Variants in RPP14 observed in about 807,000 individuals in gnomAD.
The protein encoded by RPP14 is ribonuclease P/MRP subunit p14.
RPP14 carries 19 observed loss-of-function variants against 17.8 expected under a neutral mutation model. The observed-to-expected ratio is 1.07, with a 90% confidence interval of 0.74 to 1.57. The LOEUF (loss-of-function observed/expected upper bound fraction) is 1.57, where lower values mean the gene tolerates loss of function less well. Among genes scored for constraint, RPP14 ranks in the 40% most tolerant of loss-of-function variants. The pLI, the probability that RPP14 is intolerant of heterozygous loss-of-function variation, is 0.00. For synonymous variants in RPP14, 60 were observed against 56.4 expected (o/e 1.06, Z -0.29); for missense variants, 125 against 140.8 (o/e 0.89, Z 0.57).
In RPP14 at chr3:58,313,207, C is replaced by T. The variant is rs370666553; in HGVS notation, c.162+2616C>T. 2.3e-4 allele frequency among the ~76,000 whole-genome samples: 31 copies of T among 136,268 alleles called. No homozygotes were observed. In the South Asian group the frequency reaches 5.1e-3, roughly 22 times the overall value. The allele number at this position is 136,268 out of a possible 152,430, so 89.4% of individuals were successfully genotyped here. On this transcript the variant is annotated intron_variant, in intron 3 of 5. Transcript: ENST00000295959. ...CCGGGAGGTGGAGCTTGCAGTGAGC[C>T]GAGATCACGCCACTGCACTCCAGCC...
chr3:58,314,765 A>C (rs372956103), intron 3 of RPP14, among the ~76,000 whole-genome samples: 1 of 140,810 alleles, frequency 7.1e-6, no homozygotes, highest in East Asian at 2.3e-4. Flanking sequence ...GCTCACTGCA[A>C]CCTCCGCCTC....
At chr3:58,311,416 A>G (rs2097482128) in intron 3 of RPP14, among the ~76,000 whole-genome samples, 1 of 152,180 alleles carries the variant, frequency 6.6e-6, no homozygotes, top group African/African-American at 2.4e-5. Context: ...TGGGCTCCCA[A>G]AGTGCTGGAT....
intron 1 of RPP14, 144 bp downstream of exon 1, chr3:58,306,561 C>G (rs980787962): frequency 1.8e-4 from 27 of 152,200 alleles, no homozygotes; most frequent in African/African-American, 6.5e-4. Flanking sequence ...TGTACGGCGC[C>G]GCGTAGGGTC....
At chr3:58,312,831 C>T (rs1028196122) in intron 3 of RPP14, among the ~76,000 whole-genome samples, 46 of 151,976 alleles carry the variant, frequency 3.0e-4, no homozygotes, top group Non-Finnish European at 5.9e-4. Context: ...CATGGTGGCG[C>T]ACGCTTGTAG....
rs962925304 is a variant in RPP14 at position 58,310,575 on chromosome 3, A to G, written c.146A>G (p.Lys49Arg). ...AAACAGCTGCTTATTTCGGCTGTGA[A>G]GGACCTGTTTGGGGAGGTATGGAAT... ...QFKQLLISAV[K>R]DLFGEVDAAL... The change falls in exon 3 of 6, where the codon AAG becomes AGG. Residue 49 changes from lysine to arginine, a missense_variant. Lys to Arg is a conservative substitution (Grantham distance 26). Coordinates refer to ENST00000295959, the MANE Select transcript of RPP14 (RefSeq NM_007042.6). 9 of 1,612,926 alleles carry G rather than the reference A, an allele frequency of 5.6e-6. No individual in the cohort carries two copies. Among genetic ancestry groups the G allele is most frequent in the East Asian group, 4.5e-5 (2 of 44,864 alleles).
At position 58,309,818 on chromosome 3, in the gene RPP14, C is replaced by G. The variant is rs576163691; in HGVS notation, c.-21-491C>G. ...GAGGCAGGAGAATTGCTTGAATCCG[C>G]GAGGCAGAGGTTGCAGTGAGCCAAG... On this transcript the variant is annotated intron_variant, in intron 1 of 5. Coordinates refer to ENST00000295959, the MANE Select transcript of RPP14 (RefSeq NM_007042.6). Among the ~76,000 whole-genome samples, 137 of 151,828 alleles carry G rather than the reference C, an allele frequency of 9.0e-4. 2 individuals are homozygous for G. The highest frequency in any genetic ancestry group is 7.9e-3 in the East Asian group (41 of 5,158).
chr3:58,309,023 G>C (rs1248235380), intron 1 of RPP14, among the ~76,000 whole-genome samples: 1 of 152,166 alleles, frequency 6.6e-6, no homozygotes, highest in African/African-American at 2.4e-5. Flanking sequence ...CCCCTTCCAG[G>C]AATCCCTCTT....
At chr3:58,313,079 C>T (rs778006773) in intron 3 of RPP14, among the ~76,000 whole-genome samples, 3 of 151,572 alleles carry the variant, frequency 2.0e-5, no homozygotes, top group Non-Finnish European at 4.4e-5. Context: ...CTGGCTAACA[C>T]GGTGAAACCC....
At chr3:58,308,079 A>C (rs1181473803) in intron 1 of RPP14, 1 of 152,070 alleles carries the variant, frequency 6.6e-6, no homozygotes, top group Non-Finnish European at 1.5e-5. Context: ...AAAAACATTT[A>C]TGTGCCAAGC....
At chr3:58,308,094 A>G (rs2107498188) in intron 1 of RPP14, 1 of 152,164 alleles carries the variant, frequency 6.6e-6, no homozygotes, top group East Asian at 1.9e-4. Context: ...CCAAGCAATG[A>G]AAGAAACAGA....
Position 58,317,605 on chromosome 3 carries a change from G to A in RPP14, c.*109G>A. On this transcript the variant is annotated 3_prime_UTR_variant, in exon 6 of 6. Coordinates refer to ENST00000295959, the MANE Select transcript of RPP14 (RefSeq NM_007042.6). Reference sequence around the variant, plus strand: ...TAAAAGCTCTTGATGAAATTTGAGGGTGCTGAAGATGTTCCCACTAATTTC... The same window carrying A: ...TAAAAGCTCTTGATGAAATTTGAGGATGCTGAAGATGTTCCCACTAATTTC... 1 of 814,430 alleles carries A rather than the reference G, an allele frequency of 1.2e-6. No homozygotes were observed. Among genetic ancestry groups the A allele is most frequent in the South Asian group, 1.4e-5 (1 of 70,898 alleles). The allele number at this position is 814,430 out of a possible 1,614,324, so 50.5% of individuals were successfully genotyped here. A position where few individuals can be genotyped will look rare whatever the true frequency, so the allele number is the denominator to read the frequency against.
chr3:58,316,254 CTT>C (rs2097488199), intron 3 of RPP14, among the ~76,000 whole-genome samples: 1 of 152,186 alleles, frequency 6.6e-6, no homozygotes, highest in Non-Finnish European at 1.5e-5. Context: ...AGCAAGCTGA[CTT>C]TGTCTCATCT....
chr3:58,313,635 T>C (rs1296246054), intron 3 of RPP14, among the ~76,000 whole-genome samples: 2 of 151,928 alleles, frequency 1.3e-5, no homozygotes, highest in African/African-American at 4.8e-5. Context: ...CCAGCCTGGG[T>C]ATCTGGTGAA....
intron 3 of RPP14, among the ~76,000 whole-genome samples, chr3:58,313,577 CTT>C (rs1347571142): frequency 1.3e-5 from 2 of 152,222 alleles, no homozygotes; most frequent in African/African-American, 2.4e-5. Flanking sequence ...AATCCCACCA[CTT>C]TTGAGAGGCC....
chr3:58,313,623 G>C (rs767312585), intron 3 of RPP14, among the ~76,000 whole-genome samples: 54 of 152,210 alleles, frequency 3.5e-4, no homozygotes, highest in Non-Finnish European at 3.4e-4. Context: ...AGGAGTTCCA[G>C]GCCAGCCTGG....
At chr3:58,307,149 C>T (rs1002381358) in intron 1 of RPP14, among the ~76,000 whole-genome samples, 3 of 151,988 alleles carry the variant, frequency 2.0e-5, no homozygotes, top group South Asian at 2.1e-4. Context: ...TGTGTGGTGG[C>T]GGGGATTGAG....
Position 58,317,013 on chromosome 3 carries a change from A to G in RPP14, c.318+20A>G. 1.9e-6 allele frequency: 3 copies of G among 1,582,926 alleles called. No individual in the cohort carries two copies. The highest frequency in any genetic ancestry group is 1.7e-5 in the Admixed American group (1 of 59,282). On this transcript the variant is annotated intron_variant, in intron 5 of 5. Transcript: ENST00000295959. ...ATTCAGGTAAAGACTATTCCCTCAC[A>G]TATTCCAAACAAGACTGAGTGATGG...
chr3:58,312,450 T>C (rs1213551312), intron 3 of RPP14, among the ~76,000 whole-genome samples: 6 of 151,364 alleles, frequency 4.0e-5, no homozygotes, highest in Non-Finnish European at 8.8e-5. Flanking sequence ...CTAGAGATTA[T>C]TTTAAAACTG....
chr3:58,313,256 CTCA>C (rs1425696406), intron 3 of RPP14, among the ~76,000 whole-genome samples: 2 of 151,936 alleles, frequency 1.3e-5, no homozygotes, highest in Non-Finnish European at 2.9e-5. Flanking sequence ...GAGACTCGGT[CTCA>C]AAAAAAAGGC....
Sources: allele counts gnomAD v4.1 joint callset (sites outside exome capture counted in the v4.1 genomes callset), GRCh38; gene constraint gnomAD v4.1.1; transcripts MANE v1.5; gene names NCBI Gene and HGNC (gene_info 2026-07-23, HGNC 2026-07-21).